The following LRRC49 variants were observed in gnomAD, a reference collection of about 807,000 sequenced individuals.
LRRC49 encodes the protein leucine rich repeat containing 49.
A neutral mutation model predicts 83.3 loss-of-function variants in LRRC49; 50 were observed. The ratio of observed to expected loss-of-function variants is 0.60; its 90% confidence interval spans 0.48 to 0.76. The LOEUF (loss-of-function observed/expected upper bound fraction) is 0.76. Ranked by LOEUF, LRRC49 falls within the 30% of genes least tolerant of loss-of-function variation. LRRC49 has a pLI of 0.00. For missense variants in LRRC49, 704 were observed against 809.1 expected, an observed-to-expected ratio of 0.87 and a Z score of 1.58; for synonymous variants, 286 against 283.3, an observed-to-expected ratio of 1.01 and a Z score of -0.10.
At chr15:70,931,439 T>C (rs898684476) in intron 7 of LRRC49, among the ~76,000 whole-genome samples, 2 of 152,136 alleles carry the variant, frequency 1.3e-5, no homozygotes, top group African/African-American at 2.4e-5. Context: ...TTTGAAATAT[T>C]GTGAGAACTA....
chr15:70,929,140 G>A (rs758197597), intron 7 of LRRC49, among the ~76,000 whole-genome samples: 7 of 151,938 alleles, frequency 4.6e-5, no homozygotes, highest in South Asian at 2.1e-4. Context: ...AAAAATGACC[G>A]TAGTTTTTTC....
At chr15:71,022,591 A>C (rs2141278513) in intron 14 of LRRC49, among the ~76,000 whole-genome samples, 1 of 152,314 alleles carries the variant, frequency 6.6e-6, no homozygotes, top group Admixed American at 6.5e-5. Flanking sequence ...TAATACTAGA[A>C]ATAAAAAGGA....
chr15:70,979,082 A>T (rs2037308526), intron 9 of LRRC49, among the ~76,000 whole-genome samples: 1 of 152,102 alleles, frequency 6.6e-6, no homozygotes, highest in African/African-American at 2.4e-5. Flanking sequence ...AGTATCTACA[A>T]ATCTTTTGGT....
At chr15:71,008,671 G>C in intron 12 of LRRC49, 55 bp downstream of exon 12, 1 of 1,301,340 alleles carries the variant, frequency 7.7e-7, no homozygotes, top group African/African-American at 1.5e-5. Context: ...TGACTTGTGT[G>C]TTCAGGCCAA....
chr15:71,049,487 A>G lies in LRRC49; in HGVS notation c.1936A>G (p.Asn646Asp), dbSNP rs749549914. Reference sequence around the variant, plus strand: ...GGAAGCCACAGAAATCAACATGAAAAATGAGGCTTTGCAGAAGCTTTGGCC... The same window carrying G: ...GGAAGCCACAGAAATCAACATGAAAGATGAGGCTTTGCAGAAGCTTTGGCC... ...VKEATEINMK[N>D]EALQKLWPQM... Residue 646 changes from asparagine (N) to aspartate (D), a missense_variant, in exon 16 of 16, where the codon AAT (asparagine) becomes GAT (aspartate). Asn to Asp is a conservative substitution (Grantham distance 23, BLOSUM62 1). Around this residue, in one of 3 missense-constraint regions of LRRC49, gnomAD observed 275 missense variants for 338.0 expected, o/e 0.81. Transcript: ENST00000260382. 1 of 1,613,816 alleles carries G rather than the reference A, an allele frequency of 6.2e-7. No homozygotes were observed. Among genetic ancestry groups the G allele is most frequent in the Non-Finnish European group, 8.5e-7 (1 of 1,179,714 alleles).
chr15:70,885,595 A>C (rs2033385423), intron 2 of LRRC49, among the ~76,000 whole-genome samples: 1 of 152,194 alleles, frequency 6.6e-6, no homozygotes. Flanking sequence ...TGTACTATGC[A>C]AACACTAAGT....
rs1291573259 is a variant in LRRC49, at chr15:70,919,070, T to C, written c.588T>C (p.Ile196=). The stretch of plus-strand genomic sequence containing the variant: ...AACAGATTACCAAAATTGAAAATAT[T>C]AATCATTTGTGTGAGTTGAGAGTTT... The part of the protein sequence containing the change: ...HGNQITKIEN[I]NHLCELRVLN... The change falls in exon 7 of 16, where the codon ATT becomes ATC. Residue 196 remains isoleucine, a synonymous_variant. Coordinates refer to ENST00000260382, the MANE Select transcript of LRRC49 (RefSeq NM_017691.5). 1 of 1,611,918 alleles carries C rather than the reference T, an allele frequency of 6.2e-7. No individual in the cohort carries two copies. Among genetic ancestry groups the C allele is most frequent in the Non-Finnish European group, 8.5e-7 (1 of 1,178,910 alleles).
chr15:70,979,799 G>T (rs12594841), intron 9 of LRRC49, among the ~76,000 whole-genome samples: 1 of 151,964 alleles, frequency 6.6e-6, no homozygotes, highest in South Asian at 2.1e-4. Context: ...GATGCACAGC[G>T]TACAAAAGGA....
chr15:70,881,308 A>G (rs199962358), intron 2 of LRRC49: 1 of 152,236 alleles, frequency 6.6e-6, no homozygotes, highest in East Asian at 1.9e-4. Flanking sequence ...TAATAATGCT[A>G]TGTTTTTACA....
At chr15:70,941,460 G>A (rs2035810613) in intron 8 of LRRC49, among the ~76,000 whole-genome samples, 1 of 149,860 alleles carries the variant, frequency 6.7e-6, no homozygotes, top group Admixed American at 6.6e-5. Flanking sequence ...GCAATTTACT[G>A]AAGAGTCAGA....
chr15:70,945,756 G>C (rs917156837), intron 8 of LRRC49, among the ~76,000 whole-genome samples: 2 of 151,666 alleles, frequency 1.3e-5, no homozygotes, highest in African/African-American at 2.4e-5. Flanking sequence ...AAAAAATTTT[G>C]CTTCCATGCA....
chr15:70,853,903 C>A (rs1284254722), intron 1 of LRRC49: 1 of 1,342,390 alleles, frequency 7.4e-7, no homozygotes, highest in Admixed American at 3.2e-5. Context: ...GCCCGCGGCT[C>A]GGCTCCTCCT....
intron 8 of LRRC49, among the ~76,000 whole-genome samples, chr15:70,951,739 A>T (rs1315858205): frequency 1.3e-5 from 2 of 152,034 alleles, no homozygotes; most frequent in Non-Finnish European, 2.9e-5. Context: ...TCCCTAATTT[A>T]GATGCCTTTT....
intron 2 of LRRC49, among the ~76,000 whole-genome samples, chr15:70,880,627 A>G (rs1216848157): frequency 6.6e-6 from 1 of 152,226 alleles, no homozygotes; most frequent in East Asian, 1.9e-4. Context: ...TTTACTGTGA[A>G]GGGCAGTGAA....
intron 2 of LRRC49, among the ~76,000 whole-genome samples, chr15:70,883,245 G>A (rs546727523): frequency 2.6e-5 from 4 of 151,378 alleles, no homozygotes; most frequent in South Asian, 4.2e-4. Context: ...AAGCTGGAGC[G>A]CAATGGTGCC....
intron 15 of LRRC49, among the ~76,000 whole-genome samples, chr15:71,039,815 G>A (rs1008499353): frequency 2.0e-5 from 3 of 152,064 alleles, no homozygotes; most frequent in African/African-American, 7.2e-5. Context: ...TTCAAACCAA[G>A]GATTTCACAG....
intron 7 of LRRC49, among the ~76,000 whole-genome samples, chr15:70,919,476 G>T (rs2034925007): frequency 6.6e-6 from 1 of 152,144 alleles, no homozygotes; most frequent in Admixed American, 6.5e-5. Context: ...CTTCTGTTTT[G>T]TCATGGGTAT....
intron 9 of LRRC49, 100 bp downstream of exon 9, chr15:70,964,032 G>C: frequency 8.6e-7 from 1 of 1,167,236 alleles, no homozygotes; most frequent in South Asian, 1.7e-5. Context: ...TAATTTTAGT[G>C]AACTATGGGT....
chr15:71,010,060 T>G, intron 13 of LRRC49, 68 bp downstream of exon 13: 1 of 992,058 alleles, frequency 1.0e-6, no homozygotes, highest in East Asian at 2.8e-5. Flanking sequence ...TTACTTTAAA[T>G]GTTTAGGAAT....
Sources: gnomAD v4.1 joint callset for allele counts (sites outside exome capture counted in the v4.1 genomes callset) on GRCh38, gnomAD v4.1.1 for gene constraint, gnomAD v4.1.1 regional missense constraint, MANE v1.5 for transcripts, NCBI Gene and HGNC (gene_info 2026-07-23, HGNC 2026-07-21) for gene names.